The following ZP1 variants were observed in gnomAD, a reference collection of about 807,000 sequenced individuals.
The protein encoded by ZP1 is zona pellucida sperm-binding protein 1.
Under a neutral mutation model 67.4 loss-of-function variants are expected in ZP1, and 58 were observed. The observed-to-expected ratio is 0.86, with a 90% CI of 0.70 to 1.07. The LOEUF is 1.07. ZP1 is among the 50% of genes least tolerant of loss of function. The pLI is 0.00. For synonymous variants in ZP1, 333 were observed against 332.7 expected (o/e 1.00, Z -0.01); for missense variants, 759 against 807.3 (o/e 0.94, Z 0.72).
Position 60,873,172 on chromosome 11 carries a change from C to G in ZP1, c.1123C>G (p.Arg375Gly), listed in dbSNP as rs763812579. The change falls in exon 7 of 12, where the codon CGC becomes GGC. Residue 375 changes from arginine to glycine, a missense_variant. Arg to Gly is a moderately radical substitution (Grantham distance 125). Transcript: ENST00000278853. ...TRDSTFQLHV[R>G]CVFNASDFLP... is the part of the protein sequence containing the mutation. ...GCACGTGGACTTCAGGCTTCATGTGCGCTGTGTCTTCAACGCCAGTGACTT... is the reference window on the plus strand; with the variant it reads ...GCACGTGGACTTCAGGCTTCATGTGGGCTGTGTCTTCAACGCCAGTGACTT... 1.3e-6 allele frequency: 2 copies of G among 1,588,896 alleles called. No individual in the cohort carries two copies. The highest frequency in any genetic ancestry group is 2.7e-5 in the African/African-American group (2 of 74,268).
chr11:60,870,954 C>T lies in ZP1; in HGVS notation c.827-3C>T. 1.2e-6 allele frequency: 2 copies of T among 1,612,048 alleles called. No homozygotes were observed. Among genetic ancestry groups the T allele is most frequent in the Middle Eastern group, 1.7e-4 (1 of 6,050 alleles). ...CCAAGGCCCTCATCTGCCTTTGTCC[C>T]AGCTACTGTCCAGTGCTTCAGAGAT... On this transcript the variant is annotated splice_region_variant and splice_polypyrimidine_tract_variant and intron_variant, in intron 4 of 11. Coordinates refer to ENST00000278853, the MANE Select transcript of ZP1 (RefSeq NM_207341.4).
intron 2 of ZP1, 70 bp from the exon 3 acceptor site, chr11:60,869,466 TG>T: frequency 1.3e-6 from 2 of 1,539,398 alleles, no homozygotes; most frequent in Middle Eastern, 1.8e-4. Flanking sequence ...TCAGCTCTCG[TG>T]GGCCCGTCCC....
Position 60,873,703 on chromosome 11 carries a change from G to C in ZP1, c.1500G>C (p.Ser500=). ...VALDGATPFQ[S]HYQRFTVATF... is the part of the protein sequence containing the mutation. Reference sequence around the variant, plus strand: ...TGGACGGGGCCACACCTTTCCAGTCGCACTACCAGCGATTCACTGTTGCTA... The same window carrying C: ...TGGACGGGGCCACACCTTTCCAGTCCCACTACCAGCGATTCACTGTTGCTA... The change falls in exon 9 of 12, where the codon TCG becomes TCC. Residue 500 remains serine, a synonymous_variant. Coordinates refer to ENST00000278853, the MANE Select transcript of ZP1 (RefSeq NM_207341.4). The C allele has an allele frequency of 6.2e-7, 1 of 1,614,048 alleles. No individual in the cohort carries two copies. The highest frequency in any genetic ancestry group is 8.5e-7 in the Non-Finnish European group (1 of 1,180,010).
intron 2 of ZP1, 50 bp downstream of exon 2, chr11:60,869,316 T>C (rs1201126267): frequency 6.2e-7 from 1 of 1,607,948 alleles, no homozygotes; most frequent in Admixed American, 1.7e-5. Flanking sequence ...CCTAGTGTCA[T>C]GTCAGGCTGA....
chr11:60,867,557 G>T lies in ZP1; in HGVS notation c.-5G>T. 1 of 1,605,270 alleles carries T rather than the reference G, an allele frequency of 6.2e-7. No individual in the cohort carries two copies. The highest frequency in any genetic ancestry group is 8.5e-7 in the Non-Finnish European group (1 of 1,174,740). On this transcript the variant is annotated 5_prime_UTR_variant, in exon 1 of 12. Coordinates refer to ENST00000278853, the MANE Select transcript of ZP1 (RefSeq NM_207341.4). Reference sequence around the variant, plus strand: ...AGGGAGTAGGGGGTGTGTCTGTGGCGTCTCATGGCAGGAGGCTCAGCCACG... The same window carrying T: ...AGGGAGTAGGGGGTGTGTCTGTGGCTTCTCATGGCAGGAGGCTCAGCCACG...
In ZP1 at chr11:60,873,258, C is replaced by A. The variant is rs201655082; in HGVS notation, c.1209C>A (p.Gly403=). The A allele has an allele frequency of 6.3e-7, 1 of 1,594,050 alleles. No individual in the cohort carries two copies. The highest frequency in any genetic ancestry group is 8.6e-7 in the Non-Finnish European group (1 of 1,168,432). ...PPSPAPMTQP[G]PLRLELRIAK... is the part of the protein sequence containing the mutation. ...CGCCTGCTCCTATGACCCAGCCCGG[C>A]CCCCTGCGGCTTGAGCTGCGGATTG... is the stretch of plus-strand genomic sequence containing the variant. Residue 403 remains glycine, a synonymous_variant, in exon 7 of 12, where the codon GGC becomes GGA. Transcript: ENST00000278853.
At chr11:60,867,803 T>C (rs1294292562) in intron 1 of ZP1, 46 bp downstream of exon 1, 1 of 1,585,434 alleles carries the variant, frequency 6.3e-7, no homozygotes, top group East Asian at 2.3e-5. Flanking sequence ...GGCCACGGGC[T>C]GCTGCCAGAA....
intron 3 of ZP1, among the ~76,000 whole-genome samples, 159 bp from the exon 4 acceptor site, chr11:60,870,173 A>G (rs138352137): frequency 6.6e-6 from 1 of 152,328 alleles, no homozygotes; most frequent in East Asian, 1.9e-4. Flanking sequence ...ATTCTCAGAA[A>G]ATATTCTCTA....
chr11:60,869,591 G>C lies in ZP1; in HGVS notation c.373G>C (p.Val125Leu), dbSNP rs918349479. ...GGAGGCTGTGCTGCCCAATGGTCGT[G>C]TGGATGTGGCACAAGACGCTACTCT... ...FMEAVLPNGR[V>L]DVAQDATLIC... The change falls in exon 3 of 12, where the codon GTG becomes CTG. Residue 125 changes from valine (V) to leucine (L), a missense_variant. Transcript: ENST00000278853. 1 of 1,613,904 alleles carries C rather than the reference G, an allele frequency of 6.2e-7. No homozygotes were observed. Among genetic ancestry groups the C allele is most frequent in the Admixed American group, 1.7e-5 (1 of 60,012 alleles).
chr11:60,874,835 T>C (rs889674779), intron 9 of ZP1, 98 bp from the exon 10 acceptor site: 5 of 1,183,144 alleles, frequency 4.2e-6, no homozygotes, highest in Middle Eastern at 3.9e-4. Context: ...AGCAGCAGCC[T>C]AGACTTGGCC....
rs1286748365 is a variant in ZP1, at chr11:60,875,343, G to A, written c.1774+95G>A. On this transcript the variant is annotated intron_variant, in intron 11 of 11. Coordinates refer to ENST00000278853, the MANE Select transcript of ZP1 (RefSeq NM_207341.4). ...CAGGGATGCTCCAGCCATAGCTGAGGGCAAGAGATGGTGTCACTGCAGTCA... is the reference window on the plus strand; with the variant it reads ...CAGGGATGCTCCAGCCATAGCTGAGAGCAAGAGATGGTGTCACTGCAGTCA... The A allele has an allele frequency of 1.3e-5, 20 of 1,530,746 alleles. No homozygotes were observed. The East Asian group carries it at 4.1e-4, about 31-fold the overall frequency. 94.8% of individuals were successfully genotyped at this position (1,530,746 alleles called of 1,614,324 possible).
At chr11:60,869,435 G>A in intron 2 of ZP1, 102 bp from the exon 3 acceptor site, 1 of 1,508,036 alleles carries the variant, frequency 6.6e-7, no homozygotes. Context: ...CATGAATCCA[G>A]CTCCCTGCCT....
intron 4 of ZP1, chr11:60,870,683 T>C (rs991179968): frequency 1.5e-6 from 1 of 680,624 alleles, no homozygotes; most frequent in Non-Finnish European, 2.4e-6. Context: ...TTAATAGATC[T>C]ACCTTACACA....
At chr11:60,870,013 T>C (rs1855536781) in intron 3 of ZP1, 113 bp downstream of exon 3, 2 of 1,303,954 alleles carry the variant, frequency 1.5e-6, no homozygotes, top group Non-Finnish European at 2.0e-6. Flanking sequence ...TTTTTTTCTT[T>C]TTTTAGAAAA....
chr11:60,869,688 C>T lies in ZP1; in HGVS notation c.470C>T (p.Ser157Leu), dbSNP rs1466022336. The T allele has an allele frequency of 6.2e-7, 1 of 1,614,066 alleles. No homozygotes were observed. Among genetic ancestry groups the T allele is most frequent in the Non-Finnish European group, 8.5e-7 (1 of 1,180,026 alleles). The part of the protein sequence containing the change: ...QLAPPAMFSV[S>L]TPQTLSFLPT... ...GCACCACCCGCCATGTTCTCTGTCT[C>T]AACCCCACAAACCCTTTCCTTCCTC... is the stretch of plus-strand genomic sequence containing the variant. The change falls in exon 3 of 12, where the codon TCA becomes TTA. Residue 157 changes from serine to leucine, a missense_variant. Coordinates refer to ENST00000278853, the MANE Select transcript of ZP1 (RefSeq NM_207341.4).
chr11:60,871,340 C>T (rs11230511), intron 6 of ZP1, 26 bp downstream of exon 6: 35 of 1,610,442 alleles, frequency 2.2e-5, no homozygotes, highest in Middle Eastern at 1.7e-4. Context: ...CTCCTACAGG[C>T]GTGGCTGTGT....
intron 1 of ZP1, among the ~76,000 whole-genome samples, chr11:60,868,083 G>A (rs1423431123): frequency 5.1e-5 from 7 of 137,286 alleles, no homozygotes; most frequent in Non-Finnish European, 1.1e-4. Flanking sequence ...CTTTCAATCT[G>A]TTCTCCAGGC....
At chr11:60,871,444 T>C in intron 6 of ZP1, 130 bp downstream of exon 6, 3 of 1,000,338 alleles carry the variant, frequency 3.0e-6, no homozygotes, top group South Asian at 1.5e-5. Context: ...TATGTGATCT[T>C]AGGCAAGGGG....
In ZP1 at chr11:60,873,199, C is replaced by A. The variant is rs143266259; in HGVS notation, c.1150C>A (p.Leu384Met). 3.1e-4 allele frequency: 505 copies of A among 1,607,392 alleles called. No individual in the cohort carries two copies. Among genetic ancestry groups the A allele is most frequent in the Middle Eastern group, 2.2e-3 (13 of 6,026 alleles). Reference protein sequence around the residue: ...VRCVFNASDFLPIQASIFPPP... With the variant: ...VRCVFNASDFMPIQASIFPPP... ...CTGTGTCTTCAACGCCAGTGACTTCCTGCCCATTCAGGCATCCATTTTCCC... is the reference window on the plus strand; with the variant it reads ...CTGTGTCTTCAACGCCAGTGACTTCATGCCCATTCAGGCATCCATTTTCCC... Residue 384 changes from leucine (L) to methionine (M), a missense_variant, in exon 7 of 12, where the codon CTG (leucine) becomes ATG (methionine). Transcript: ENST00000278853.
Sources: allele counts gnomAD v4.1 joint callset (sites outside exome capture counted in the v4.1 genomes callset), GRCh38; gene constraint gnomAD v4.1.1; transcripts MANE v1.5; gene names NCBI Gene and HGNC (gene_info 2026-07-23, HGNC 2026-07-21).